The following FMNL3 variants were observed in gnomAD, a reference collection of about 807,000 sequenced individuals.
FMNL3 encodes formin like 3.
In FMNL3, 57 loss-of-function variants were observed where a neutral mutation model predicts 119.6. That is an observed-to-expected ratio of 0.48 (90% CI 0.39 to 0.59). The LOEUF (loss-of-function observed/expected upper bound fraction) is 0.59, where lower values mean the gene tolerates loss of function less well. FMNL3 is among the 20% of genes least tolerant of loss of function. The pLI is 0.00. For missense variants in FMNL3, 1,053 were observed against 1,323.5 expected (o/e 0.80, Z 3.17); for synonymous variants, 491 against 507.3 (o/e 0.97, Z 0.43).
chr12:49,701,030 G>C (rs1317002182), intron 1 of FMNL3, among the ~76,000 whole-genome samples: 1 of 145,440 alleles, frequency 6.9e-6, no homozygotes, highest in Non-Finnish European at 1.5e-5. Flanking sequence ...AGTGAGCCGA[G>C]ATCGGGCCAT....
chr12:49,678,475 T>A (rs1197821119), intron 1 of FMNL3, among the ~76,000 whole-genome samples: 1 of 151,812 alleles, frequency 6.6e-6, no homozygotes, highest in Admixed American at 6.6e-5. Context: ...TTATTATTTT[T>A]ATTTTGAGAC....
At chr12:49,671,326 G>A (rs550859869) in intron 1 of FMNL3, among the ~76,000 whole-genome samples, 197 of 152,272 alleles carry the variant, frequency 1.3e-3, no homozygotes, top group Non-Finnish European at 2.1e-3. Context: ...GTATGGAAAC[G>A]GGTGGTAGAG....
In FMNL3 at chr12:49,648,239, T is replaced by C. The variant is rs376087169; in HGVS notation, c.2630A>G (p.Asn877Ser). The change falls in exon 22 of 26, where the codon AAT (asparagine) becomes AGT (serine). Residue 877 changes from asparagine (N) to serine (S), a missense_variant. Asn to Ser is a conservative substitution (Grantham distance 46). This residue lies in a region of FMNL3 where 324 missense variants were observed against 380.9 expected (regional missense o/e 0.85). Coordinates refer to ENST00000335154, the MANE Select transcript of FMNL3 (RefSeq NM_175736.5). Reference sequence around the variant, plus strand: ...CTGGAGCTTGTCTAGTTTGCCTTCATTGGTACTGAGGAAGTTCCGGAGGAC... The same window carrying C: ...CTGGAGCTTGTCTAGTTTGCCTTCACTGGTACTGAGGAAGTTCCGGAGGAC... ...NSVLRNFLST[N>S]EGKLDKLQRD... 136 of 1,613,880 alleles carry C rather than the reference T, an allele frequency of 8.4e-5. No homozygotes were observed. Among genetic ancestry groups the C allele is most frequent in the East Asian group, 2.2e-5 (1 of 44,878 alleles).
At chr12:49,668,350 G>A (rs1943947866) in intron 2 of FMNL3, 121 bp downstream of exon 2, 2 of 862,846 alleles carry the variant, frequency 2.3e-6, no homozygotes, top group South Asian at 1.6e-5. Flanking sequence ...CACAGATGAG[G>A]CCAAGCTTAG....
chr12:49,647,852 C>A lies in FMNL3; in HGVS notation c.2677-48G>T. On this transcript the variant is annotated intron_variant, in intron 22 of 25. Coordinates refer to ENST00000335154, the MANE Select transcript of FMNL3 (RefSeq NM_175736.5). This position sits in a 1 kb window ranked among gnomAD's most constrained non-coding sequence, Gnocchi z 4.9. The stretch of plus-strand genomic sequence containing the variant: ...GGGTCACCCTGGCAGGAAGATCAGC[C>A]CAGCTCCCACACCACGGATGAGAGG... 7.0e-7 allele frequency: 1 copy of A among 1,424,252 alleles called. No homozygotes were observed. Among genetic ancestry groups the A allele is most frequent in the Non-Finnish European group, 9.9e-7 (1 of 1,009,502 alleles). The allele number at this position is 1,424,252 out of a possible 1,614,324, so 88.2% of individuals were successfully genotyped here.
rs201178215 is a variant in FMNL3 at position 49,636,775 on chromosome 12, G to A, written c.*9040C>T. On this transcript the variant is annotated 3_prime_UTR_variant, in exon 26 of 26. Coordinates refer to ENST00000335154, the MANE Select transcript of FMNL3 (RefSeq NM_175736.5). ...GGAGCACATCCGAGCTTTGGAGAGG[G>A]AAGAGGAGGAGGAACGGGAGCGGGC... 155 of 1,614,128 alleles carry A rather than the reference G, an allele frequency of 9.6e-5. No homozygotes were observed. The highest frequency in any genetic ancestry group is 1.3e-4 in the Non-Finnish European group (150 of 1,180,054).
In FMNL3 at chr12:49,647,319, C is replaced by T. The variant is rs764148184; in HGVS notation, c.2828G>A (p.Arg943Gln). 8.7e-5 allele frequency: 140 copies of T among 1,613,868 alleles called. 1 individual carries two copies. Among genetic ancestry groups the T allele is most frequent in the South Asian group, 1.6e-4 (15 of 91,088 alleles). ...EARKKQEEVM[R>Q]EKQLAQEAKK... ...GGCTTCCTGAGCCAGCTGCTTCTCCCGCATTACCTCCTCCTGCTTCTTGCG... is the reference window on the plus strand; with the variant it reads ...GGCTTCCTGAGCCAGCTGCTTCTCCTGCATTACCTCCTCCTGCTTCTTGCG... The change falls in exon 24 of 26, where the codon CGG (arginine) becomes CAG (glutamine). Residue 943 changes from arginine to glutamine, a missense_variant. Around this residue, in one of 4 missense-constraint regions of FMNL3, gnomAD observed 324 missense variants for 380.9 expected, o/e 0.85. Coordinates refer to ENST00000335154, the MANE Select transcript of FMNL3 (RefSeq NM_175736.5). This position sits in a 1 kb window ranked among gnomAD's most constrained non-coding sequence, Gnocchi z 4.9.
At position 49,643,130 on chromosome 12, in the gene FMNL3, G is replaced by A. The variant is rs1283686970; in HGVS notation, c.*2685C>T. The A allele has an allele frequency of 6.3e-7, 1 of 1,587,560 alleles. No individual in the cohort carries two copies. Among genetic ancestry groups the A allele is most frequent in the Non-Finnish European group, 8.6e-7 (1 of 1,159,658 alleles). ...GGAGGGAAGTTTGAGGATTCCTTTG[G>A]CCCTGGGTCCTCCTCCTCTCTCGAA... On this transcript the variant is annotated 3_prime_UTR_variant, in exon 26 of 26. Transcript: ENST00000335154.
intron 1 of FMNL3, among the ~76,000 whole-genome samples, chr12:49,699,118 G>A (rs961820945): frequency 1.3e-5 from 2 of 152,174 alleles, no homozygotes; most frequent in African/African-American, 4.8e-5. Context: ...TGTTTCCCCA[G>A]AATGGAAGAG....
chr12:49,652,161 TA>T lies in FMNL3; in HGVS notation c.1374del (p.Glu460ArgfsTer30). On this transcript the variant is annotated frameshift_variant, in exon 14 of 26. Transcript: ENST00000335154. LOFTEE classifies it high-confidence loss of function. ...SHQVHTLRRL[I>X]KEKEEAFQRR... ...CGCTGAAAGGCCTCCTCCTTCTCTT[TA>T]ATGAGCCTCCGCAGGGTGTGCACCT... The T allele has an allele frequency of 6.2e-7, 1 of 1,613,364 alleles. No homozygotes were observed. The highest frequency in any genetic ancestry group is 8.5e-7 in the Non-Finnish European group (1 of 1,179,786).
intron 4 of FMNL3, among the ~76,000 whole-genome samples, chr12:49,664,164 G>C (rs1027230749): frequency 6.6e-6 from 1 of 152,358 alleles, no homozygotes; most frequent in Middle Eastern, 3.4e-3. Context: ...AGAATGGCTT[G>C]AGCCTGGGAG....
chr12:49,646,731 C>T lies in FMNL3; in HGVS notation c.2995+155G>A, dbSNP rs762073879. 55 of 1,566,072 alleles carry T rather than the reference C, an allele frequency of 3.5e-5. No individual in the cohort carries two copies. The Admixed American group carries it at 5.5e-4, about 16-fold the overall frequency. ...GTGAGCCCCGCTTGGCAGTACGGGC[C>T]GTGAAAGGGACACTCTTCAGCACTG... On this transcript the variant is annotated intron_variant, in intron 25 of 25. Coordinates refer to ENST00000335154, the MANE Select transcript of FMNL3 (RefSeq NM_175736.5).
In FMNL3 at chr12:49,636,984, C is replaced by G. The variant is rs1032010843; in HGVS notation, c.*8831G>C. 1.6e-5 allele frequency: 21 copies of G among 1,298,570 alleles called. No individual in the cohort carries two copies. In the African/African-American group the frequency reaches 2.6e-4, roughly 16 times the overall value. 80.4% of individuals were successfully genotyped at this position (1,298,570 alleles called of 1,614,324 possible). A position where few individuals can be genotyped will look rare whatever the true frequency, so the allele number is the denominator to read the frequency against. ...GCCCTGTCCAAGCTCTATGAGACCT[C>G]TCTCTGCCTGCAGTCTGTTTCTGCT... On this transcript the variant is annotated 3_prime_UTR_variant, in exon 26 of 26. Coordinates refer to ENST00000335154, the MANE Select transcript of FMNL3 (RefSeq NM_175736.5).
At chr12:49,705,662 C>T (rs2139082181) in intron 1 of FMNL3, among the ~76,000 whole-genome samples, 1 of 152,330 alleles carries the variant, frequency 6.6e-6, no homozygotes, top group Middle Eastern at 3.4e-3. Flanking sequence ...ATGGTCACAG[C>T]ACATTGGTAA....
intron 2 of FMNL3, among the ~76,000 whole-genome samples, chr12:49,668,105 A>G (rs569523420): frequency 2.6e-5 from 4 of 152,352 alleles, no homozygotes; most frequent in Non-Finnish European, 5.9e-5. Flanking sequence ...GATAATGAGA[A>G]AGACCCTGCT....
intron 2 of FMNL3, among the ~76,000 whole-genome samples, chr12:49,667,351 A>G (rs1165975464): frequency 6.6e-6 from 1 of 152,222 alleles, no homozygotes; most frequent in African/African-American, 2.4e-5. Flanking sequence ...GACCCTCAAT[A>G]TCAAAGGGTT....
chr12:49,701,337 G>C (rs1045842084), intron 1 of FMNL3, among the ~76,000 whole-genome samples: 2 of 152,036 alleles, frequency 1.3e-5, no homozygotes, highest in African/African-American at 4.8e-5. Flanking sequence ...CAGGAGAAAA[G>C]AAGCTATTCT....
rs543838272 is a variant in FMNL3, at chr12:49,658,615, C to G, written c.453-21G>C. On this transcript the variant is annotated intron_variant, in intron 5 of 25. Transcript: ENST00000335154. ...CAAACCTGGAGCATGAAAGGACACA[C>G]ATGCGCATACACAGGCACATACACA... 3 of 1,585,026 alleles carry G rather than the reference C, an allele frequency of 1.9e-6. No homozygotes were observed. In the African/African-American group the frequency reaches 4.0e-5, roughly 21 times the overall value.
rs986891423 is a variant in FMNL3, at chr12:49,639,180, G to C, written c.*6635C>G. The C allele has an allele frequency of 6.6e-6, 1 of 152,220 alleles. No individual in the cohort carries two copies. The highest frequency in any genetic ancestry group is 2.4e-5 in the African/African-American group (1 of 41,444). 9.4% of individuals were successfully genotyped at this position (152,220 alleles called of 1,614,324 possible). A position where few individuals can be genotyped will look rare whatever the true frequency, so the allele number is the denominator to read the frequency against. On this transcript the variant is annotated 3_prime_UTR_variant, in exon 26 of 26. Coordinates refer to ENST00000335154, the MANE Select transcript of FMNL3 (RefSeq NM_175736.5). ...GAATGATCAGATTAGATGGTGTATA[G>C]TAGAACCTTTCAGTCTAGAGTACGT...
Sources: gnomAD v4.1 joint callset for allele counts (sites outside exome capture counted in the v4.1 genomes callset) on GRCh38, gnomAD v4.1.1 for gene constraint, gnomAD v4.1.1 regional missense constraint, Gnocchi (gnomAD v3.1) non-coding constraint, MANE v1.5 for transcripts, NCBI Gene and HGNC (gene_info 2026-07-23, HGNC 2026-07-21) for gene names.